Variants in SLC16A6 observed in about 807,000 individuals in gnomAD.
SLC16A6 encodes solute carrier family 16 member 6, also known as monocarboxylate transporter 7.
SLC16A6 carries 15 observed loss-of-function variants against 33.8 expected under a neutral mutation model. The observed-to-expected ratio is 0.44, with a 90% CI of 0.30 to 0.68. SLC16A6 has a LOEUF of 0.68. SLC16A6 is among the 30% of genes least tolerant of loss of function. The pLI is 0.10. For synonymous variants in SLC16A6, 219 were observed against 248.4 expected (o/e 0.88, Z 1.11); for missense variants, 451 against 661.5 (o/e 0.68, Z 3.49).
intron 2 of SLC16A6, among the ~76,000 whole-genome samples, chr17:68,277,504 A>G (rs576481891): frequency 1.3e-5 from 2 of 152,204 alleles, no homozygotes; most frequent in Non-Finnish European, 2.9e-5. Flanking sequence ...ATCTCAGCTC[A>G]CTGCAACCTC....
In SLC16A6 at chr17:68,271,551, G is replaced by C. The variant is rs1555748777; in HGVS notation, c.609C>G (p.Ile203Met). The C allele has an allele frequency of 4.3e-6, 7 of 1,614,108 alleles. No individual in the cohort carries two copies. The Admixed American group carries it at 1.0e-4, about 23-fold the overall frequency. Residue 203 changes from isoleucine to methionine, a missense_variant, in exon 5 of 6, where the codon ATC becomes ATG. By Grantham distance (10) the Ile-to-Met change is conservative. This residue lies in a region of SLC16A6 where 405 missense variants were observed against 510.7 expected (regional missense o/e 0.79). Coordinates refer to ENST00000580666, the MANE Select transcript of SLC16A6 (RefSeq NM_004694.5). This position sits in a 1 kb window ranked among gnomAD's most constrained non-coding sequence, Gnocchi z 5.3. The stretch of plus-strand genomic sequence containing the variant: ...TCGGTGACGCTGGTCCTCTGATAAA[G>C]ATGGGTCTGAGCAGTGCTCCGAAGA... ...IVIFGALLRP[I>M]FIRGPASPKI... is the part of the protein sequence containing the mutation.
intron 3 of SLC16A6, among the ~76,000 whole-genome samples, chr17:68,272,977 A>C (rs782476540): frequency 6.6e-6 from 1 of 151,986 alleles, no homozygotes; most frequent in South Asian, 2.1e-4. Flanking sequence ...GGGATACTAA[A>C]AATATAACTT....
At chr17:68,270,724 A>G in intron 5 of SLC16A6, 115 bp downstream of exon 5, 1 of 920,348 alleles carries the variant, frequency 1.1e-6, no homozygotes, top group Non-Finnish European at 1.6e-6. Flanking sequence ...TGGCAGCTCT[A>G]AAATTCAATG....
chr17:68,281,662 A>G (rs560852537), intron 1 of SLC16A6, among the ~76,000 whole-genome samples: 1 of 152,342 alleles, frequency 6.6e-6, no homozygotes, highest in East Asian at 1.9e-4. Flanking sequence ...TATATGAAAA[A>G]ATGCTCAACA....
At chr17:68,270,794 C>A in intron 5 of SLC16A6, 45 bp downstream of exon 5, 2 of 1,494,600 alleles carry the variant, frequency 1.3e-6, no homozygotes, top group Non-Finnish European at 1.8e-6. Flanking sequence ...GCACAATTCA[C>A]AAGGGAAAGT....
At chr17:68,277,045 CT>C (rs1174212524) in intron 2 of SLC16A6, among the ~76,000 whole-genome samples, 6 of 152,190 alleles carry the variant, frequency 3.9e-5, no homozygotes, top group Admixed American at 2.0e-4. Flanking sequence ...ACCTTATCTC[CT>C]TGTACACATC....
intron 1 of SLC16A6, among the ~76,000 whole-genome samples, chr17:68,289,394 G>A (rs2075915457): frequency 6.6e-6 from 1 of 152,046 alleles, no homozygotes; most frequent in Admixed American, 6.6e-5. Flanking sequence ...TTGGCCCGAG[G>A]GCATGAAAAA....
chr17:68,287,951 CTT>C (rs2075878951), intron 1 of SLC16A6, among the ~76,000 whole-genome samples: 1 of 147,910 alleles, frequency 6.8e-6, no homozygotes, highest in Non-Finnish European at 1.5e-5. Flanking sequence ...TTCTCTCTCT[CTT>C]TCTCTCTCTC....
chr17:68,270,485 T>A (rs1390769668), intron 5 of SLC16A6, among the ~76,000 whole-genome samples: 1 of 147,106 alleles, frequency 6.8e-6, no homozygotes, highest in Non-Finnish European at 1.5e-5. Flanking sequence ...ATCTGGGAGG[T>A]GGAGGTTGCA....
In SLC16A6 at chr17:68,271,596, T is replaced by C. The variant is rs372842877; in HGVS notation, c.564A>G (p.Leu188=). The stretch of plus-strand genomic sequence containing the variant: ...CGAAGATGACAATGTTTAACTGTAG[T>C]AGGCCCACGAAGAGGAGGCTGTATC... The part of the protein sequence containing the change: ...GWRYSLLFVG[L]LQLNIVIFGA... Residue 188 remains leucine, a synonymous_variant, in exon 5 of 6, where the codon CTA becomes CTG. Coordinates refer to ENST00000580666, the MANE Select transcript of SLC16A6 (RefSeq NM_004694.5). This position sits in a 1 kb window ranked among gnomAD's most constrained non-coding sequence, Gnocchi z 5.3. 8.7e-6 allele frequency: 14 copies of C among 1,614,134 alleles called. No individual in the cohort carries two copies. The highest frequency in any genetic ancestry group is 1.7e-4 in the Middle Eastern group (1 of 6,060).
chr17:68,290,481 C>A (rs1317336108), intron 1 of SLC16A6, among the ~76,000 whole-genome samples: 1 of 152,228 alleles, frequency 6.6e-6, no homozygotes, highest in Non-Finnish European at 1.5e-5. Context: ...GGCCGTCAGC[C>A]GCTGACAGTT....
chr17:68,271,155 C>T lies in SLC16A6; in HGVS notation c.1005G>A (p.Thr335=), dbSNP rs782057959. The T allele has an allele frequency of 1.4e-5, 23 of 1,613,904 alleles. No individual in the cohort carries two copies. Among genetic ancestry groups the T allele is most frequent in the Non-Finnish European group, 1.9e-5 (22 of 1,180,030 alleles). Residue 335 remains threonine (T), a synonymous_variant, in exon 5 of 6, where the codon ACG becomes ACA. Coordinates refer to ENST00000580666, the MANE Select transcript of SLC16A6 (RefSeq NM_004694.5). The surrounding 1 kb of genome is among the most constrained non-coding windows in gnomAD (Gnocchi z 5.3). ...TTCCGAAAACTTCTGCAATGGCCAT[C>T]GTAGATAATAAAAAAGCAGCGCGGT... The part of the protein sequence containing the change: ...DQDRAAFLLS[T]MAIAEVFGRI...
Position 68,271,259 on chromosome 17 carries a change from C to G in SLC16A6, c.901G>C (p.Gly301Arg). 6.2e-7 allele frequency: 1 copy of G among 1,614,150 alleles called. No individual in the cohort carries two copies. Among genetic ancestry groups the G allele is most frequent in the African/African-American group, 1.3e-5 (1 of 75,042 alleles). Reference sequence around the variant, plus strand: ...AAGAATCCCAGTGTTGCAAAGAGACCAAATAATGCATAACAAATAAAACTT... The same window carrying G: ...AAGAATCCCAGTGTTGCAAAGAGACGAAATAATGCATAACAAATAAAACTT... Reference protein sequence around the residue: ...EKSFICYALFGLFATLGFFAP... With the variant: ...EKSFICYALFRLFATLGFFAP... The change falls in exon 5 of 6, where the codon GGT becomes CGT. Residue 301 changes from glycine (G) to arginine (R), a missense_variant. By Grantham distance (125) the Gly-to-Arg change is moderately radical (BLOSUM62 -2). Transcript: ENST00000580666. This position sits in a 1 kb window ranked among gnomAD's most constrained non-coding sequence, Gnocchi z 5.3.
intron 5 of SLC16A6, among the ~76,000 whole-genome samples, chr17:68,270,240 T>G (rs1555748011): frequency 1.3e-5 from 2 of 152,184 alleles, no homozygotes; most frequent in East Asian, 1.9e-4. Context: ...TTGCCTAGCA[T>G]GAGAGAAGGC....
In SLC16A6 at chr17:68,268,407, C is replaced by T. The variant is rs2075219160; in HGVS notation, c.*689G>A. The stretch of plus-strand genomic sequence containing the variant: ...GGCCATAAAAAGAAGTGGTAATCTT[C>T]ACATTTATGAAGTTCAAGTTATATA... On this transcript the variant is annotated 3_prime_UTR_variant, in exon 6 of 6. Coordinates refer to ENST00000580666, the MANE Select transcript of SLC16A6 (RefSeq NM_004694.5). The T allele has an allele frequency of 6.9e-6, 1 of 145,172 alleles. No homozygotes were observed. Among genetic ancestry groups the T allele is most frequent in the Non-Finnish European group, 1.5e-5 (1 of 66,978 alleles). 9.0% of individuals were successfully genotyped at this position (145,172 alleles called of 1,614,324 possible). A position where few individuals can be genotyped will look rare whatever the true frequency, so the allele number is the denominator to read the frequency against.
At chr17:68,282,179 G>A (rs1343275692) in intron 1 of SLC16A6, among the ~76,000 whole-genome samples, 1 of 152,088 alleles carries the variant, frequency 6.6e-6, no homozygotes, top group Admixed American at 6.6e-5. Context: ...CCATAAAAAA[G>A]GATGAGTTCA....
At position 68,287,390 on chromosome 17, in the gene SLC16A6, A is replaced by G. The variant is rs562133447; in HGVS notation, c.-8+3696T>C. ...GCCTAGGCTGGTCTGGAACTCCCGG[A>G]CTCAAGCGATCCTCCCACCTCGGCC... On this transcript the variant is annotated intron_variant, in intron 1 of 5. Coordinates refer to ENST00000580666, the MANE Select transcript of SLC16A6 (RefSeq NM_004694.5). 4.7e-5 allele frequency among the ~76,000 whole-genome samples: 7 copies of G among 150,270 alleles called. No homozygotes were observed. The South Asian group carries it at 1.3e-3, about 27-fold the overall frequency.
Position 68,269,004 on chromosome 17 carries a change from G to A in SLC16A6, c.*92C>T. ...AAAATGTAGTTTTGAAAGTGGAGTA[G>A]AGGGGTTAGCTCCTCTGCCTCCTTG... On this transcript the variant is annotated 3_prime_UTR_variant, in exon 6 of 6. Transcript: ENST00000580666. The A allele has an allele frequency of 1.3e-6, 2 of 1,564,498 alleles. No individual in the cohort carries two copies. Among genetic ancestry groups the A allele is most frequent in the Non-Finnish European group, 1.7e-6 (2 of 1,156,504 alleles).
At chr17:68,284,103 CAAA>C (rs1189737736) in intron 1 of SLC16A6, among the ~76,000 whole-genome samples, 1 of 56,508 alleles carries the variant, frequency 1.8e-5, no homozygotes, top group Non-Finnish European at 3.5e-5. Flanking sequence ...GACTCTGTCT[CAAA>C]AAAAAAAAAA....
Sources: allele counts gnomAD v4.1 joint callset (sites outside exome capture counted in the v4.1 genomes callset), GRCh38; gene constraint gnomAD v4.1.1; regional missense constraint gnomAD v4.1.1; non-coding constraint Gnocchi (gnomAD v3.1); transcripts MANE v1.5; gene names NCBI Gene and HGNC (gene_info 2026-07-23, HGNC 2026-07-21).